The following PIEZO2 variants were observed in gnomAD, a reference collection of about 807,000 sequenced individuals.
PIEZO2 encodes piezo-type mechanosensitive ion channel component 2.
A neutral mutation model predicts 337.3 loss-of-function variants in PIEZO2; 172 were observed. The observed-to-expected ratio is 0.51, with a 90% CI of 0.45 to 0.58. The LOEUF is 0.58. PIEZO2 is among the 20% of genes least tolerant of loss of function. PIEZO2 has a pLI of 0.00. For missense variants in PIEZO2, 3,028 were observed against 3,391.3 expected (o/e 0.89, Z 2.66); for synonymous variants, 1,251 against 1,228.5 (o/e 1.02, Z -0.38).
intron 4 of PIEZO2, among the ~76,000 whole-genome samples, chr18:10,873,678 A>G (rs1056053462): frequency 2.0e-5 from 3 of 152,160 alleles, no homozygotes; most frequent in Non-Finnish European, 4.4e-5. Context: ...ATTTGTTACT[A>G]TAATATACAT....
At chr18:10,715,930 T>C in intron 37 of PIEZO2, 114 bp from the exon 38 acceptor site, 1 of 807,884 alleles carries the variant, frequency 1.2e-6, no homozygotes. Context: ...CCCGTGCATC[T>C]AATAAGGCAT....
At chr18:11,026,510 C>G (rs545275991) in intron 2 of PIEZO2, among the ~76,000 whole-genome samples, 2 of 152,316 alleles carry the variant, frequency 1.3e-5, no homozygotes, top group African/African-American at 4.8e-5. Flanking sequence ...TTGTCTTACA[C>G]TTTCTAGGAA....
In PIEZO2 at chr18:11,066,218, A is replaced by C; in HGVS notation, c.69T>G (p.Cys23Trp). The change falls in exon 2 of 56, where the codon TGT becomes TGG. Residue 23 changes from cysteine to tryptophan, a missense_variant. Cys to Trp is a radical substitution (Grantham distance 215, BLOSUM62 -2). Coordinates refer to ENST00000674853, the MANE Select transcript of PIEZO2 (RefSeq NM_001378183.1). ...LLLPICLAVA[C>W]AFRYNGLSFV... Reference sequence around the variant, plus strand: ...AGGAGAGCCCATTGTATCGGAATGCACATGCTGTGGGTGGGAAGAGAGAAG... The same window carrying C: ...AGGAGAGCCCATTGTATCGGAATGCCCATGCTGTGGGTGGGAAGAGAGAAG... 6.5e-7 allele frequency: 1 copy of C among 1,536,012 alleles called. No individual in the cohort carries two copies. The highest frequency in any genetic ancestry group is 2.4e-5 in the East Asian group (1 of 40,906).
intron 30 of PIEZO2, among the ~76,000 whole-genome samples, chr18:10,744,971 C>T (rs535559840): frequency 1.8e-4 from 28 of 152,342 alleles, no homozygotes; most frequent in African/African-American, 6.0e-4. Context: ...GCCCCCGCCT[C>T]CTTGGAAAGT....
In PIEZO2 at chr18:10,682,938, C is replaced by T. The variant is rs1246470455; in HGVS notation, c.7498-646G>A. Among the ~76,000 whole-genome samples the T allele has an allele frequency of 6.6e-6, 1 of 152,188 alleles. No individual in the cohort carries two copies. Among genetic ancestry groups the T allele is most frequent in the East Asian group, 1.9e-4 (1 of 5,174 alleles). On this transcript the variant is annotated intron_variant, in intron 49 of 55. Coordinates refer to ENST00000674853, the MANE Select transcript of PIEZO2 (RefSeq NM_001378183.1). The surrounding 1 kb of genome is among the most constrained non-coding windows in gnomAD (Gnocchi z 5.6). The stretch of plus-strand genomic sequence containing the variant: ...GTAAGGCTGGGAGCACTTCTGTTTG[C>T]TTTAATATAGATTCATGAAGGACCC...
intron 1 of PIEZO2, among the ~76,000 whole-genome samples, chr18:11,107,446 T>C (rs888179732): frequency 6.6e-6 from 1 of 152,188 alleles, no homozygotes. Flanking sequence ...AATAATTTCA[T>C]GTACAGAGTT....
rs2032992366 is a variant in PIEZO2 at position 10,945,847 on chromosome 18, A to G, written c.286+33688T>C. Among the ~76,000 whole-genome samples the G allele has an allele frequency of 6.6e-6, 1 of 152,216 alleles. No homozygotes were observed. The highest frequency in any genetic ancestry group is 2.4e-5 in the African/African-American group (1 of 41,462). ...AAAAGAAAAAATTGGACTTCTTGAG[A>G]TAATAACTATAATGCCTGAAATTGA... On this transcript the variant is annotated intron_variant, in intron 3 of 55. Transcript: ENST00000674853. This position sits in a 1 kb window ranked among gnomAD's most constrained non-coding sequence, Gnocchi z 4.0.
intron 4 of PIEZO2, among the ~76,000 whole-genome samples, chr18:10,879,922 T>C: frequency 6.6e-6 from 1 of 152,162 alleles, no homozygotes; most frequent in East Asian, 1.9e-4. Context: ...TATATCATAA[T>C]GGTGAAAAAA....
chr18:11,037,918 T>G (rs2036980010), intron 2 of PIEZO2, among the ~76,000 whole-genome samples: 1 of 152,246 alleles, frequency 6.6e-6, no homozygotes, highest in Non-Finnish European at 1.5e-5. Context: ...CGAATTTTCC[T>G]TTCCAAGTTT....
At chr18:10,776,882 T>G (rs573388531) in intron 18 of PIEZO2, among the ~76,000 whole-genome samples, 19 of 152,324 alleles carry the variant, frequency 1.2e-4, no homozygotes, top group African/African-American at 4.3e-4. Context: ...CCCACTCTAG[T>G]AAAAATACTC....
chr18:10,954,454 G>C lies in PIEZO2; in HGVS notation c.286+25081C>G, dbSNP rs1178355298. ...GTTAAAAAAGCTATTTCCAATTGTT[G>C]ATTGCCAATATGTAGAAATACAATT... is the stretch of plus-strand genomic sequence containing the variant. On this transcript the variant is annotated intron_variant, in intron 3 of 55. Coordinates refer to ENST00000674853, the MANE Select transcript of PIEZO2 (RefSeq NM_001378183.1). The surrounding 1 kb of genome is among the most constrained non-coding windows in gnomAD (Gnocchi z 4.2). 6.6e-6 allele frequency among the ~76,000 whole-genome samples: 1 copy of C among 152,136 alleles called. No homozygotes were observed. Among genetic ancestry groups the C allele is most frequent in the Non-Finnish European group, 1.5e-5 (1 of 68,022 alleles).
chr18:10,691,127 A>G (rs1191115352), intron 48 of PIEZO2, 98 bp downstream of exon 48: 6 of 1,354,734 alleles, frequency 4.4e-6, no homozygotes, highest in Non-Finnish European at 6.1e-6. Context: ...CCACTGCTGA[A>G]TTCATCCTCT....
chr18:10,895,966 A>C lies in PIEZO2; in HGVS notation c.329+15220T>G, dbSNP rs1036834938. Among the ~76,000 whole-genome samples the C allele has an allele frequency of 3.9e-5, 6 of 151,938 alleles. No individual in the cohort carries two copies. Among genetic ancestry groups the C allele is most frequent in the Non-Finnish European group, 5.9e-5 (4 of 67,986 alleles). On this transcript the variant is annotated intron_variant, in intron 4 of 55. Transcript: ENST00000674853. The surrounding 1 kb of genome is among the most constrained non-coding windows in gnomAD (Gnocchi z 4.8). ...TCCCAGCTACTTGGGAGGCTGAGGC[A>C]AGAGAATCTCTTGAACCCGGGAGGC...
Position 10,973,743 on chromosome 18 carries a change from G to A in PIEZO2, c.286+5792C>T, listed in dbSNP as rs995255983. ...GGACGGGGCAAGGTGAGGAACCCAA[G>A]CCTCCTCACTGATCAGCTATCAGAA... On this transcript the variant is annotated intron_variant, in intron 3 of 55. Transcript: ENST00000674853. The surrounding 1 kb of genome is among the most constrained non-coding windows in gnomAD (Gnocchi z 4.9). Among the ~76,000 whole-genome samples the A allele has an allele frequency of 1.2e-4, 19 of 152,164 alleles. No homozygotes were observed. The highest frequency in any genetic ancestry group is 4.3e-4 in the African/African-American group (18 of 41,444).
At chr18:10,981,908 GC>G (rs2034681474) in intron 2 of PIEZO2, among the ~76,000 whole-genome samples, 1 of 152,180 alleles carries the variant, frequency 6.6e-6, no homozygotes, top group African/African-American at 2.4e-5. Context: ...CCAGTGGTTT[GC>G]CAGGGGCACT....
rs2031770089 is a variant in PIEZO2 at position 10,926,877 on chromosome 18, T to C, written c.287-15649A>G. Among the ~76,000 whole-genome samples, 3 of 152,212 alleles carry C rather than the reference T, an allele frequency of 2.0e-5. No homozygotes were observed. The South Asian group carries it at 6.2e-4, about 32-fold the overall frequency. ...AAACACAATTAAACTGAACACCCTT[T>C]TGAATTAGTCCATTTCCTGAGGTTT... On this transcript the variant is annotated intron_variant, in intron 3 of 55. Transcript: ENST00000674853.
intron 2 of PIEZO2, among the ~76,000 whole-genome samples, chr18:11,054,953 T>C (rs956226387): frequency 6.6e-6 from 1 of 152,088 alleles, no homozygotes; most frequent in Non-Finnish European, 1.5e-5. Context: ...GGCTCACGCC[T>C]GTAATCCCAG....
At chr18:11,118,506 A>T (rs1349971826) in intron 1 of PIEZO2, among the ~76,000 whole-genome samples, 1 of 152,344 alleles carries the variant, frequency 6.6e-6, no homozygotes, top group East Asian at 1.9e-4. Context: ...ATTGCATCTA[A>T]CCTTTGGATC....
At chr18:10,681,854 A>G (rs2034281206) in intron 50 of PIEZO2, 101 bp from the exon 51 acceptor site, 2 of 1,059,148 alleles carry the variant, frequency 1.9e-6, no homozygotes, top group African/African-American at 3.2e-5. Context: ...CCATTTATGT[A>G]GGCTATGTTT....
Sources: gnomAD v4.1 joint callset for allele counts (sites outside exome capture counted in the v4.1 genomes callset) on GRCh38, gnomAD v4.1.1 for gene constraint, Gnocchi (gnomAD v3.1) non-coding constraint, MANE v1.5 for transcripts, NCBI Gene and HGNC (gene_info 2026-07-23, HGNC 2026-07-21) for gene names.